The following MAP4K4 variants were observed in gnomAD, a reference collection of about 807,000 sequenced individuals.
MAP4K4 encodes the protein mitogen-activated protein kinase kinase kinase kinase 4.
A neutral mutation model predicts 189.6 loss-of-function variants in MAP4K4; 38 were observed. The observed-to-expected ratio is 0.20, with a 90% confidence interval of 0.15 to 0.26. The LOEUF is 0.26. Ranked by LOEUF, MAP4K4 falls within the 10% of genes least tolerant of loss-of-function variation. The pLI, the probability that MAP4K4 is intolerant of heterozygous loss-of-function variation, is 1.00. For synonymous variants in MAP4K4, 610 were observed against 624.3 expected, an observed-to-expected ratio of 0.98 and a Z score of 0.34; for missense variants, 1,054 against 1,726.9, an observed-to-expected ratio of 0.61 and a Z score of 6.91.
Position 101,824,175 on chromosome 2 carries a change from G to A in MAP4K4, c.306+122G>A, listed in dbSNP as rs936982106. Reference sequence around the variant, plus strand: ...AAACAATAAAGAGGGGCAGTAAGTAGCTGGCAGGTTCTAAAGGCTTCCTTG... The same window carrying A: ...AAACAATAAAGAGGGGCAGTAAGTAACTGGCAGGTTCTAAAGGCTTCCTTG... On this transcript the variant is annotated intron_variant, in intron 4 of 32. Transcript: ENST00000324219. The A allele has an allele frequency of 6.8e-6, 7 of 1,030,874 alleles. No individual in the cohort carries two copies. In the Admixed American group the frequency reaches 2.4e-4, roughly 35 times the overall value. The allele number at this position is 1,030,874 out of a possible 1,614,324, so 63.9% of individuals were successfully genotyped here. A position where few individuals can be genotyped will look rare whatever the true frequency, so the allele number is the denominator to read the frequency against.
At chr2:101,862,366 A>G (rs575437673) in intron 16 of MAP4K4, 2 of 151,650 alleles carry the variant, frequency 1.3e-5, no homozygotes, top group African/African-American at 4.8e-5. Context: ...GCAGATGGGT[A>G]GCTCCAGAGA....
intron 3 of MAP4K4, among the ~76,000 whole-genome samples, chr2:101,823,356 A>G (rs1465385450): frequency 1.3e-5 from 2 of 151,978 alleles, no homozygotes; most frequent in African/African-American, 4.8e-5. Context: ...ACGTAGCTGA[A>G]CCTCTTTTCG....
intron 2 of MAP4K4, among the ~76,000 whole-genome samples, chr2:101,709,267 A>G (rs752383754): frequency 1.1e-4 from 16 of 152,204 alleles, no homozygotes; most frequent in Non-Finnish European, 2.1e-4. Context: ...CAGTGGCACA[A>G]TCTTGGCTCA....
chr2:101,870,383 C>G, exon 23 of MAP4K4: 3 of 1,613,718 alleles, frequency 1.9e-6, no homozygotes, highest in Non-Finnish European at 2.5e-6. Flanking sequence ...GGCCATGACC[C>G]CATCCAAGGA....
At chr2:101,807,012 A>G (rs576146366) in intron 3 of MAP4K4, among the ~76,000 whole-genome samples, 1 of 150,008 alleles carries the variant, frequency 6.7e-6, no homozygotes, top group South Asian at 2.1e-4. Context: ...TAGCTTCTGC[A>G]GCCTTTTTCA....
intron 18 of MAP4K4, among the ~76,000 whole-genome samples, chr2:101,865,516 G>A (rs1321018715): frequency 6.6e-6 from 1 of 152,164 alleles, no homozygotes; most frequent in Non-Finnish European, 1.5e-5. Context: ...AGCTACAGAA[G>A]CTTCCTTATA....
At chr2:101,737,817 T>TC (rs963241575) in intron 2 of MAP4K4, among the ~76,000 whole-genome samples, 5 of 151,960 alleles carry the variant, frequency 3.3e-5, no homozygotes, top group Admixed American at 6.6e-5. Context: ...CTCTACTCTC[T>TC]CCCCCCTCTT....
chr2:101,815,202 A>T (rs541307959), intron 3 of MAP4K4, among the ~76,000 whole-genome samples: 5 of 152,120 alleles, frequency 3.3e-5, no homozygotes, highest in South Asian at 2.1e-4. Context: ...TTTTTTTTTT[A>T]AATTATGATT....
intron 13 of MAP4K4, among the ~76,000 whole-genome samples, chr2:101,856,497 AT>A (rs2097468556): frequency 6.6e-6 from 1 of 152,120 alleles, no homozygotes; most frequent in Non-Finnish European, 1.5e-5. Context: ...TAAAAAAAAA[AT>A]GAAATTAAAA....
At chr2:101,704,500 T>G (rs1031595686) in intron 2 of MAP4K4, among the ~76,000 whole-genome samples, 1 of 148,596 alleles carries the variant, frequency 6.7e-6, no homozygotes, top group Non-Finnish European at 1.5e-5. Context: ...GTATTTTGCC[T>G]TTTTTCTTAA....
chr2:101,807,153 C>T (rs1013439437), intron 3 of MAP4K4, among the ~76,000 whole-genome samples: 2 of 151,972 alleles, frequency 1.3e-5, no homozygotes, highest in Admixed American at 1.3e-4. Flanking sequence ...CCTGGAATCA[C>T]AGTTCTCCCA....
intron 26 of MAP4K4, among the ~76,000 whole-genome samples, chr2:101,875,418 T>C (rs149737041): frequency 2.2e-4 from 33 of 152,270 alleles, no homozygotes; most frequent in Admixed American, 9.2e-4. Flanking sequence ...CAAGCATTGC[T>C]TGGGTAGATA....
chr2:101,721,823 C>T (rs998681108), intron 2 of MAP4K4, among the ~76,000 whole-genome samples: 1 of 152,146 alleles, frequency 6.6e-6, no homozygotes, highest in Non-Finnish European at 1.5e-5. Context: ...TGTTAAAAAG[C>T]AAGGGTGTGT....
intron 6 of MAP4K4, among the ~76,000 whole-genome samples, chr2:101,830,562 G>A (rs2096566262): frequency 6.6e-6 from 1 of 152,190 alleles, no homozygotes; most frequent in South Asian, 2.1e-4. Context: ...CTGTTGTACT[G>A]TAAAAGTAAG....
At chr2:101,738,720 C>A (rs1202042829) in intron 2 of MAP4K4, among the ~76,000 whole-genome samples, 1 of 151,946 alleles carries the variant, frequency 6.6e-6, no homozygotes, top group Non-Finnish European at 1.5e-5. Context: ...CCACTCTTTT[C>A]TTTTCTTGCC....
At position 101,855,249 on chromosome 2, in the gene MAP4K4, C is replaced by T. The variant is rs1559200798; in HGVS notation, c.1234-728C>T. On this transcript the variant is annotated intron_variant, in intron 12 of 32. Transcript: ENST00000324219. Reference sequence around the variant, plus strand: ...AGGGTGGTTAAGAGTATGTATGGGCCGTAGAGGCAGAGCAGCTCTTCCAGC... The same window carrying T: ...AGGGTGGTTAAGAGTATGTATGGGCTGTAGAGGCAGAGCAGCTCTTCCAGC... Among the ~76,000 whole-genome samples the T allele has an allele frequency of 2.0e-5, 3 of 152,150 alleles. No individual in the cohort carries two copies. The South Asian group carries it at 6.2e-4, about 31-fold the overall frequency.
intron 5 of MAP4K4, among the ~76,000 whole-genome samples, chr2:101,829,285 A>T (rs1309745734): frequency 6.6e-6 from 1 of 152,148 alleles, no homozygotes; most frequent in African/African-American, 2.4e-5. Context: ...TCACACGGGG[A>T]ACCTAACCCA....
intron 12 of MAP4K4, among the ~76,000 whole-genome samples, chr2:101,849,230 C>G (rs1205038467): frequency 6.6e-6 from 1 of 152,176 alleles, no homozygotes; most frequent in East Asian, 1.9e-4. Flanking sequence ...TCAAGTGATC[C>G]TCCTGGCTCT....
intron 2 of MAP4K4, among the ~76,000 whole-genome samples, chr2:101,785,676 C>CTTTT (rs2090372238): frequency 4.5e-4 from 7 of 15,574 alleles, no homozygotes; most frequent in African/African-American, 2.9e-3. Context: ...CTTTCTTTCT[C>CTTTT]CCTCTCTCTC....
Sources: allele counts gnomAD v4.1 joint callset (sites outside exome capture counted in the v4.1 genomes callset), GRCh38; gene constraint gnomAD v4.1.1; transcripts MANE v1.5; gene names NCBI Gene and HGNC (gene_info 2026-07-23, HGNC 2026-07-21).